KLHL1: variants seen among roughly 807,000 people sequenced by gnomAD.
The protein encoded by KLHL1 is kelch-like protein 1.
In KLHL1, 47 loss-of-function variants were observed where a neutral mutation model predicts 77.7. That is an observed-to-expected ratio of 0.60 (90% CI 0.48 to 0.77). KLHL1 has a LOEUF of 0.77. KLHL1 is among the 30% of genes least tolerant of loss of function. The probability of loss-of-function intolerance (pLI) is 0.00; values close to 1 mark genes in which losing one functional copy is unlikely to be tolerated. For missense variants in KLHL1, 925 were observed against 910.8 expected (o/e 1.02, Z -0.20); for synonymous variants, 360 against 325.2 (o/e 1.11, Z -1.15).
intron 1 of KLHL1, among the ~76,000 whole-genome samples, chr13:70,102,212 T>C (rs1240602615): frequency 6.6e-6 from 1 of 152,198 alleles, no homozygotes; most frequent in Non-Finnish European, 1.5e-5. Context: ...TAATGGTGTG[T>C]GCTCTCTTTC....
intron 8 of KLHL1, among the ~76,000 whole-genome samples, chr13:69,730,419 A>G (rs1178674170): frequency 1.3e-5 from 2 of 152,164 alleles, no homozygotes; most frequent in African/African-American, 4.8e-5. Context: ...TACCAGGAAT[A>G]AATCTATTGC....
intron 7 of KLHL1, among the ~76,000 whole-genome samples, chr13:69,760,723 C>T (rs890357829): frequency 2.0e-5 from 3 of 152,054 alleles, no homozygotes; most frequent in African/African-American, 7.2e-5. Flanking sequence ...AGACTTTTTT[C>T]AGGAGGCAAT....
chr13:69,822,658 G>T (rs1878382842), intron 6 of KLHL1, among the ~76,000 whole-genome samples: 2 of 152,120 alleles, frequency 1.3e-5, no homozygotes, highest in South Asian at 4.2e-4. Flanking sequence ...CAAGTTATGT[G>T]CAACAAAAAT....
intron 1 of KLHL1, among the ~76,000 whole-genome samples, chr13:70,023,882 G>T (rs1440899531): frequency 6.6e-6 from 1 of 151,878 alleles, no homozygotes; most frequent in Non-Finnish European, 1.5e-5. Flanking sequence ...ATGTTGGGTT[G>T]TCCCCTCTTA....
chr13:69,752,263 G>T (rs1001879251), intron 7 of KLHL1, among the ~76,000 whole-genome samples: 9 of 151,990 alleles, frequency 5.9e-5, no homozygotes, highest in African/African-American at 2.2e-4. Context: ...ACTATTGAAG[G>T]AATCAGTTAA....
chr13:70,061,896 G>A (rs530173602), intron 1 of KLHL1, among the ~76,000 whole-genome samples: 64 of 152,130 alleles, frequency 4.2e-4, no homozygotes, highest in African/African-American at 1.4e-3. Flanking sequence ...ATCAAATCAG[G>A]GTCATCAGCA....
rs146303890 is a variant in KLHL1 at position 69,839,037 on chromosome 13, A to C, written c.1353T>G (p.Thr451=). ...ERRTLMQSPR[T]KPRKSTVGTL... ...TTCCGACTGTAGATTTTCTGGGTTT[A>C]GTTCTCGGACTTTGCATTAAAGTTC... The change falls in exon 6 of 11, where the codon ACT becomes ACG. Residue 451 remains threonine (T), a synonymous_variant. Coordinates refer to ENST00000377844, the MANE Select transcript of KLHL1 (RefSeq NM_020866.3). The C allele has an allele frequency of 2.9e-4, 466 of 1,610,960 alleles. 1 individual carries two copies. Among genetic ancestry groups the C allele is most frequent in the Non-Finnish European group, 3.9e-4 (459 of 1,178,292 alleles).
At chr13:69,750,906 G>T (rs1433662830) in intron 7 of KLHL1, among the ~76,000 whole-genome samples, 1 of 151,986 alleles carries the variant, frequency 6.6e-6, no homozygotes, top group Non-Finnish European at 1.5e-5. Context: ...CTGGAATATG[G>T]TGATTCTAAT....
chr13:69,846,732 T>G (rs1879475827), intron 5 of KLHL1, among the ~76,000 whole-genome samples: 1 of 150,676 alleles, frequency 6.6e-6, no homozygotes, highest in African/African-American at 2.4e-5. Context: ...TTGAACCACA[T>G]GATCAAAATA....
intron 1 of KLHL1, among the ~76,000 whole-genome samples, chr13:70,099,978 C>T (rs1325278024): frequency 6.6e-6 from 1 of 151,694 alleles, no homozygotes; most frequent in Non-Finnish European, 1.5e-5. Flanking sequence ...AATGTTAGTT[C>T]CCAAATTTTT....
At chr13:70,009,341 T>C (rs1245491507) in intron 1 of KLHL1, among the ~76,000 whole-genome samples, 1 of 152,168 alleles carries the variant, frequency 6.6e-6, no homozygotes, top group Non-Finnish European at 1.5e-5. Context: ...TCATGAACTG[T>C]GTTTTAAGAA....
intron 7 of KLHL1, among the ~76,000 whole-genome samples, chr13:69,787,858 A>G (rs1453252466): frequency 1.6e-3 from 242 of 152,202 alleles, no homozygotes; most frequent in Non-Finnish European, 2.3e-3. Context: ...ATATGAACAG[A>G]CATTTCTGAA....
chr13:69,866,077 TAA>T (rs1425839382), intron 5 of KLHL1, among the ~76,000 whole-genome samples: 3 of 152,162 alleles, frequency 2.0e-5, no homozygotes, highest in Non-Finnish European at 4.4e-5. Context: ...TTACTGTGAT[TAA>T]ATATTCATCA....
intron 6 of KLHL1, among the ~76,000 whole-genome samples, chr13:69,797,679 A>G (rs969784143): frequency 2.1e-5 from 3 of 142,958 alleles, no homozygotes; most frequent in Non-Finnish European, 4.6e-5. Context: ...AAAAAAAAAA[A>G]TTAGCTGGGC....
chr13:69,708,987 A>G (rs891185533), intron 9 of KLHL1, among the ~76,000 whole-genome samples: 13 of 152,152 alleles, frequency 8.5e-5, no homozygotes, highest in South Asian at 6.2e-4. Context: ...TTGTTACAGA[A>G]GATCTGGAAT....
chr13:69,701,596 C>G lies in KLHL1; in HGVS notation c.*106G>C, dbSNP rs1593755820. Reference sequence around the variant, plus strand: ...CATCAGTAGGTAACGCTACAGAGATCCTTGTTCTTGAAGAGTTTTCATCTC... The same window carrying G: ...CATCAGTAGGTAACGCTACAGAGATGCTTGTTCTTGAAGAGTTTTCATCTC... On this transcript the variant is annotated 3_prime_UTR_variant, in exon 11 of 11. Transcript: ENST00000377844. The G allele has an allele frequency of 1.3e-6, 1 of 755,770 alleles. No individual in the cohort carries two copies. Among genetic ancestry groups the G allele is most frequent in the East Asian group, 2.7e-5 (1 of 36,914 alleles). 46.8% of individuals were successfully genotyped at this position (755,770 alleles called of 1,614,324 possible).
intron 7 of KLHL1, among the ~76,000 whole-genome samples, chr13:69,788,968 C>G (rs1053670122): frequency 6.7e-6 from 1 of 150,030 alleles, no homozygotes; most frequent in Non-Finnish European, 1.5e-5. Context: ...CCTCTTTTCC[C>G]CTCTCAGGAG....
intron 2 of KLHL1, among the ~76,000 whole-genome samples, chr13:69,963,973 G>C (rs1385743048): frequency 6.6e-6 from 1 of 151,882 alleles, no homozygotes; most frequent in Non-Finnish European, 1.5e-5. Flanking sequence ...AGAATTCTAG[G>C]GTGATTTTTT....
chr13:69,781,016 A>G (rs2042457), intron 7 of KLHL1, among the ~76,000 whole-genome samples: 54,726 of 150,962 alleles, frequency 0.36, 10,176 homozygotes, highest in African/African-American at 0.43. Flanking sequence ...TTCTTCCAGC[A>G]TAATATATCA....
Sources: allele counts gnomAD v4.1 joint callset (sites outside exome capture counted in the v4.1 genomes callset), GRCh38; gene constraint gnomAD v4.1.1; transcripts MANE v1.5; gene names NCBI Gene and HGNC (gene_info 2026-07-23, HGNC 2026-07-21).